MAMDC2: variants seen among roughly 807,000 people sequenced by gnomAD.
MAMDC2 encodes the protein MAM domain-containing protein 2.
In MAMDC2, 57 loss-of-function variants were observed where a neutral mutation model predicts 89.8. The observed-to-expected ratio is 0.63, with a 90% CI of 0.51 to 0.79. The LOEUF (loss-of-function observed/expected upper bound fraction) is 0.79. Among genes scored for constraint, MAMDC2 ranks in the 30% least tolerant of loss-of-function variants. The pLI is 0.00. For missense variants in MAMDC2, 800 were observed against 820.6 expected, an observed-to-expected ratio of 0.97 and a Z score of 0.31; for synonymous variants, 313 against 293.4, an observed-to-expected ratio of 1.07 and a Z score of -0.68.
chr9:70,214,212 A>C (rs2033405675), intron 11 of MAMDC2, among the ~76,000 whole-genome samples: 1 of 152,232 alleles, frequency 6.6e-6, no homozygotes, highest in South Asian at 2.1e-4. Flanking sequence ...ATAAGGAATG[A>C]GGAGTGCCAG....
At chr9:70,119,485 T>C (rs1187976993) in intron 5 of MAMDC2, among the ~76,000 whole-genome samples, 7 of 152,188 alleles carry the variant, frequency 4.6e-5, no homozygotes, top group African/African-American at 1.7e-4. Context: ...AAGTACTCGG[T>C]AGGGAAGCAG....
chr9:70,215,599 G>A (rs1353114776), intron 11 of MAMDC2, among the ~76,000 whole-genome samples: 2 of 152,220 alleles, frequency 1.3e-5, no homozygotes, highest in Admixed American at 6.5e-5. Context: ...CCTAAAGGAG[G>A]TTTTGATTTC....
At chr9:70,197,543 T>C (rs1021884341) in intron 11 of MAMDC2, among the ~76,000 whole-genome samples, 3 of 152,058 alleles carry the variant, frequency 2.0e-5, no homozygotes, top group Non-Finnish European at 4.4e-5. Flanking sequence ...TGCCAAAGTG[T>C]TTCACATTGC....
At chr9:70,085,917 A>T (rs1369770093) in intron 2 of MAMDC2, 1 of 152,124 alleles carries the variant, frequency 6.6e-6, no homozygotes, top group East Asian at 1.9e-4. Flanking sequence ...TTATACAGAG[A>T]CTATAAGGAA....
intron 5 of MAMDC2, among the ~76,000 whole-genome samples, chr9:70,114,012 G>T (rs1828577048): frequency 6.6e-6 from 1 of 151,838 alleles, no homozygotes; most frequent in African/African-American, 2.4e-5. Flanking sequence ...AAGACATAAT[G>T]ACCTTTTATG....
chr9:70,068,919 T>C (rs1222521234), intron 2 of MAMDC2, among the ~76,000 whole-genome samples: 3 of 152,058 alleles, frequency 2.0e-5, no homozygotes, highest in South Asian at 4.2e-4. Context: ...AATGAATGGG[T>C]ATGATTTAAA....
chr9:70,068,931 G>C (rs1309642914), intron 2 of MAMDC2, among the ~76,000 whole-genome samples: 1 of 152,146 alleles, frequency 6.6e-6, no homozygotes, highest in African/African-American at 2.4e-5. Context: ...TGATTTAAAA[G>C]TTAGGTAAAG....
chr9:70,189,455 T>C (rs1295084991), intron 11 of MAMDC2, among the ~76,000 whole-genome samples: 1 of 152,192 alleles, frequency 6.6e-6, no homozygotes, highest in Non-Finnish European at 1.5e-5. Context: ...CTTTCAAGAT[T>C]CTCATCCTGA....
chr9:70,048,316 C>T (rs769021241), intron 2 of MAMDC2, among the ~76,000 whole-genome samples: 5 of 152,018 alleles, frequency 3.3e-5, no homozygotes, highest in Non-Finnish European at 7.4e-5. Flanking sequence ...ACTCTGTTGC[C>T]CAGGCTGGAG....
intron 5 of MAMDC2, chr9:70,113,678 A>C (rs1828569065): frequency 6.5e-6 from 1 of 154,720 alleles, no homozygotes; most frequent in Non-Finnish European, 1.4e-5. Context: ...GCGAGAAGTC[A>C]GCTTTGAGGA....
intron 7 of MAMDC2, 148 bp downstream of exon 7, chr9:70,131,760 T>C: frequency 3.1e-6 from 2 of 649,574 alleles, no homozygotes; most frequent in East Asian, 3.0e-5. Flanking sequence ...GTCATTTTTC[T>C]GGAATATTAC....
intron 11 of MAMDC2, chr9:70,217,599 G>C (rs570574615): frequency 8.1e-6 from 13 of 1,610,756 alleles, no homozygotes; most frequent in Admixed American, 1.7e-5. Flanking sequence ...CACCTACAAA[G>C]GCAGCACCTA....
chr9:70,118,774 A>C (rs538347556), intron 5 of MAMDC2, among the ~76,000 whole-genome samples: 5 of 152,346 alleles, frequency 3.3e-5, no homozygotes, highest in African/African-American at 1.2e-4. Flanking sequence ...TAGGAATTTC[A>C]GAACTGCAGA....
intron 7 of MAMDC2, among the ~76,000 whole-genome samples, chr9:70,134,028 C>G (rs1325883477): frequency 6.6e-6 from 1 of 152,166 alleles, no homozygotes; most frequent in Non-Finnish European, 1.5e-5. Context: ...AGTTTATGCC[C>G]TTCTGTTTCA....
chr9:70,050,071 G>A (rs1357573582), intron 2 of MAMDC2, among the ~76,000 whole-genome samples: 2 of 152,184 alleles, frequency 1.3e-5, no homozygotes, highest in Admixed American at 6.5e-5. Context: ...TCATCAGAGA[G>A]CTAATTATAT....
intron 9 of MAMDC2, among the ~76,000 whole-genome samples, chr9:70,167,170 G>T (rs80181147): frequency 6.6e-6 from 1 of 151,924 alleles, no homozygotes; most frequent in Admixed American, 6.6e-5. Context: ...TTTGTTCTTT[G>T]TATATATACA....
intron 11 of MAMDC2, among the ~76,000 whole-genome samples, chr9:70,178,595 C>A (rs916563914): frequency 6.6e-6 from 1 of 152,278 alleles, no homozygotes; most frequent in East Asian, 1.9e-4. Flanking sequence ...TTTGTTAAAA[C>A]AACCAGCATC....
intron 11 of MAMDC2, among the ~76,000 whole-genome samples, chr9:70,216,061 TAAAG>T (rs1005212540): frequency 4.6e-5 from 7 of 152,230 alleles, no homozygotes; most frequent in African/African-American, 1.7e-4. Flanking sequence ...CTTCAAACTA[TAAAG>T]AAACCATTTA....
chr9:70,160,645 G>A (rs552597940), intron 9 of MAMDC2, among the ~76,000 whole-genome samples: 38 of 152,210 alleles, frequency 2.5e-4, no homozygotes, highest in African/African-American at 8.7e-4. Context: ...TTTCTGGGGG[G>A]CCTACATTTT....
Sources: gnomAD v4.1 joint callset for allele counts (sites outside exome capture counted in the v4.1 genomes callset) on GRCh38, gnomAD v4.1.1 for gene constraint, MANE v1.5 for transcripts, NCBI Gene and HGNC (gene_info 2026-07-23, HGNC 2026-07-21) for gene names.